The following ARPC5 variants were observed in gnomAD, a reference collection of about 807,000 sequenced individuals.
The protein encoded by ARPC5 is actin-related protein 2/3 complex subunit 5.
Under a neutral mutation model 15.4 loss-of-function variants are expected in ARPC5, and 5 were observed. That is an observed-to-expected ratio of 0.32 (90% confidence interval 0.17 to 0.68). The LOEUF (loss-of-function observed/expected upper bound fraction) is 0.68, where lower values mean the gene tolerates loss of function less well. ARPC5 is among the 30% of genes least tolerant of loss of function. The pLI is 0.71. For missense variants in ARPC5, 138 were observed against 192.8 expected (o/e 0.72, Z 1.68); for synonymous variants, 85 against 72.2 (o/e 1.18, Z -0.90).
intron 1 of ARPC5, among the ~76,000 whole-genome samples, chr1:183,634,454 A>G (rs1649368588): frequency 6.6e-6 from 1 of 152,202 alleles, no homozygotes. Flanking sequence ...CATTGTTGAG[A>G]GTCTTCCTTA....
At position 183,620,987 on chromosome 1, in the gene ARPC5, T is replaced by A. The variant is rs569695425; in HGVS notation, c.*6545A>T. 2.0e-5 allele frequency: 3 copies of A among 152,110 alleles called. No homozygotes were observed. In the South Asian group the frequency reaches 6.2e-4, roughly 32 times the overall value. The allele number at this position is 152,110 out of a possible 1,614,324, so 9.4% of individuals were successfully genotyped here. ...GACCATCAAAAGGGCAAAGAAAATA[T>A]AGAAATACAAAAATATAGAAAAGAA... is the stretch of plus-strand genomic sequence containing the variant. On this transcript the variant is annotated 3_prime_UTR_variant, in exon 4 of 4. Coordinates refer to ENST00000359856, the MANE Select transcript of ARPC5 (RefSeq NM_005717.4).
chr1:183,623,716 T>C lies in ARPC5; in HGVS notation c.*3816A>G, dbSNP rs966586595. 25 of 569,624 alleles carry C rather than the reference T, an allele frequency of 4.4e-5. No homozygotes were observed. The highest frequency in any genetic ancestry group is 6.8e-5 in the Non-Finnish European group (22 of 323,624). 35.3% of individuals were successfully genotyped at this position (569,624 alleles called of 1,614,324 possible). On this transcript the variant is annotated 3_prime_UTR_variant, in exon 4 of 4. Coordinates refer to ENST00000359856, the MANE Select transcript of ARPC5 (RefSeq NM_005717.4). ...GTTAGTTGTAAATCTAAAGGAAAAA[T>C]TGTGTATCTAAAAATTAATCAATCT...
At chr1:183,630,691 T>C in intron 2 of ARPC5, 54 bp from the exon 3 acceptor site, 1 of 1,522,736 alleles carries the variant, frequency 6.6e-7, no homozygotes, top group Non-Finnish European at 8.9e-7. Context: ...GAGGAGGGTT[T>C]AGAATTTCAG....
At chr1:183,631,575 G>A (rs1190303433) in intron 2 of ARPC5, 7 of 100,652 alleles carry the variant, frequency 7.0e-5, no homozygotes, top group Non-Finnish European at 3.5e-5. Flanking sequence ...GTGAGACTCC[G>A]TCTCAAAAAA....
intron 3 of ARPC5, among the ~76,000 whole-genome samples, chr1:183,627,955 CGAG>C (rs1284232047): frequency 6.6e-6 from 1 of 151,854 alleles, no homozygotes; most frequent in Non-Finnish European, 1.5e-5. Context: ...CGGCGGATCA[CGAG>C]GTCAGGAGAT....
rs920819858 is a variant in ARPC5, at chr1:183,630,337, G to C, written c.393+124C>G. The C allele has an allele frequency of 9.7e-5, 72 of 742,900 alleles. No individual in the cohort carries two copies. The East Asian group carries it at 1.7e-3, about 18-fold the overall frequency. 46.0% of individuals were successfully genotyped at this position (742,900 alleles called of 1,614,324 possible). A position where few individuals can be genotyped will look rare whatever the true frequency, so the allele number is the denominator to read the frequency against. On this transcript the variant is annotated intron_variant, in intron 3 of 3. Coordinates refer to ENST00000359856, the MANE Select transcript of ARPC5 (RefSeq NM_005717.4). ...CATAAATATGAACTATCCTTTTCAT[G>C]CATTTTATTTGTAATAACAAAAATG...
At chr1:183,628,940 C>T (rs1490514994) in intron 3 of ARPC5, among the ~76,000 whole-genome samples, 3 of 152,102 alleles carry the variant, frequency 2.0e-5, no homozygotes, top group Non-Finnish European at 2.9e-5. Flanking sequence ...GGGTGGAGAA[C>T]AGATTTGAAG....
Position 183,621,101 on chromosome 1 carries a change from T to A in ARPC5, c.*6431A>T, listed in dbSNP as rs1024238522. 1 of 152,112 alleles carries A rather than the reference T, an allele frequency of 6.6e-6. No individual in the cohort carries two copies. The highest frequency in any genetic ancestry group is 1.5e-5 in the Non-Finnish European group (1 of 67,992). 9.4% of individuals were successfully genotyped at this position (152,112 alleles called of 1,614,324 possible). A position where few individuals can be genotyped will look rare whatever the true frequency, so the allele number is the denominator to read the frequency against. On this transcript the variant is annotated 3_prime_UTR_variant, in exon 4 of 4. Coordinates refer to ENST00000359856, the MANE Select transcript of ARPC5 (RefSeq NM_005717.4). ...AATATATGATACCATTTTTAAAACA[T>A]CAGATTTGAAAAGATTAAAAAATGT...
At chr1:183,635,034 C>G (rs1649417258) in intron 1 of ARPC5, among the ~76,000 whole-genome samples, 1 of 151,180 alleles carries the variant, frequency 6.6e-6, no homozygotes, top group Non-Finnish European at 1.5e-5. Context: ...CTACCAATAA[C>G]AAAAACACAA....
rs138442122 is a variant in ARPC5, at chr1:183,633,003, A to ATTTTT, written c.216+74_216+78dup. On this transcript the variant is annotated intron_variant, in intron 2 of 3. Transcript: ENST00000359856. The stretch of plus-strand genomic sequence containing the variant: ...AAGATAGCAAACAGTTAAAATATTG[A>ATTTTT]TTTTTTTTTGCAACTGCAGAGGATT... The ATTTTT allele has an allele frequency of 1.5e-5, 16 of 1,077,494 alleles. No individual in the cohort carries two copies. In the African/African-American group the frequency reaches 2.4e-4, roughly 16 times the overall value. The allele number at this position is 1,077,494 out of a possible 1,614,324, so 66.7% of individuals were successfully genotyped here. A position where few individuals can be genotyped will look rare whatever the true frequency, so the allele number is the denominator to read the frequency against.
At chr1:183,630,093 T>C (rs1325818218) in intron 3 of ARPC5, among the ~76,000 whole-genome samples, 1 of 152,242 alleles carries the variant, frequency 6.6e-6, no homozygotes. Context: ...TCATATTCCA[T>C]TGTATGTATG....
chr1:183,627,926 C>A (rs1056822100), intron 3 of ARPC5, among the ~76,000 whole-genome samples: 7 of 152,066 alleles, frequency 4.6e-5, no homozygotes, highest in African/African-American at 1.7e-4. Flanking sequence ...GTAATCCCAG[C>A]ACTTTGGGAG....
chr1:183,623,699 TA>T lies in ARPC5; in HGVS notation c.*3832del. 1 of 592,034 alleles carries T rather than the reference TA, an allele frequency of 1.7e-6. No individual in the cohort carries two copies. The highest frequency in any genetic ancestry group is 2.9e-6 in the Non-Finnish European group (1 of 340,256). 36.7% of individuals were successfully genotyped at this position (592,034 alleles called of 1,614,324 possible). A position where few individuals can be genotyped will look rare whatever the true frequency, so the allele number is the denominator to read the frequency against. On this transcript the variant is annotated 3_prime_UTR_variant, in exon 4 of 4. Transcript: ENST00000359856. ...TTTGTCTGTAAGGGGATGTTAGTTG[TA>T]AATCTAAAGGAAAAATTGTGTATCT...
intron 2 of ARPC5, chr1:183,631,406 C>G (rs1004838416): frequency 2.0e-5 from 3 of 151,506 alleles, no homozygotes; most frequent in African/African-American, 7.3e-5. Context: ...ATGGTAAAAC[C>G]CTGTCTCTAC....
intron 3 of ARPC5, among the ~76,000 whole-genome samples, chr1:183,628,561 G>A (rs1259957104): frequency 6.6e-6 from 1 of 152,210 alleles, no homozygotes; most frequent in Non-Finnish European, 1.5e-5. Flanking sequence ...GGTCTAGCAT[G>A]AGGAGACAGA....
chr1:183,634,930 T>A (rs2761575), intron 1 of ARPC5, among the ~76,000 whole-genome samples: 7,460 of 136,594 alleles, frequency 0.055, 635 homozygotes, highest in African/African-American at 0.18. Flanking sequence ...TTTTTTTTTT[T>A]AAAAAGGCCA....
At chr1:183,628,170 C>A (rs142684692) in intron 3 of ARPC5, among the ~76,000 whole-genome samples, 1 of 42,932 alleles carries the variant, frequency 2.3e-5, no homozygotes, top group Non-Finnish European at 5.0e-5. Context: ...AAGACTCCGT[C>A]TCAAAAAAAA....
chr1:183,628,143 A>C (rs1367707957), intron 3 of ARPC5, among the ~76,000 whole-genome samples: 2 of 133,462 alleles, frequency 1.5e-5, no homozygotes, highest in African/African-American at 5.6e-5. Context: ...ACTGCACTCC[A>C]GCCTGGGCGA....
intron 2 of ARPC5, chr1:183,632,880 G>A (rs1649305633): frequency 4.7e-6 from 2 of 423,524 alleles, no homozygotes; most frequent in South Asian, 3.9e-5. Context: ...TGAACTTACT[G>A]TATCTTACCA....
Sources: allele counts gnomAD v4.1 joint callset (sites outside exome capture counted in the v4.1 genomes callset), GRCh38; gene constraint gnomAD v4.1.1; transcripts MANE v1.5; gene names NCBI Gene and HGNC (gene_info 2026-07-23, HGNC 2026-07-21).